MAP2: variants seen among roughly 807,000 people sequenced by gnomAD.
The protein encoded by MAP2 is microtubule-associated protein 2.
In MAP2, 14 loss-of-function variants were observed where a neutral mutation model predicts 137.6. The ratio of observed to expected loss-of-function variants is 0.10; its 90% CI spans 0.07 to 0.16. The LOEUF (loss-of-function observed/expected upper bound fraction) is 0.16. Ranked by LOEUF, MAP2 falls within the 10% of genes least tolerant of loss-of-function variation. The pLI is 1.00. For missense variants in MAP2, 2,088 were observed against 2,191.5 expected (o/e 0.95, Z 0.94); for synonymous variants, 786 against 782.3 (o/e 1.00, Z -0.08).
intron 4 of MAP2, among the ~76,000 whole-genome samples, chr2:209,646,311 A>T (rs1446718990): frequency 6.6e-6 from 1 of 152,250 alleles, no homozygotes; most frequent in Non-Finnish European, 1.5e-5. Flanking sequence ...AGGCAATCAC[A>T]TCACAAAAGA....
chr2:209,656,439 G>T (rs1056632562), intron 5 of MAP2, among the ~76,000 whole-genome samples: 1 of 151,974 alleles, frequency 6.6e-6, no homozygotes, highest in Admixed American at 6.6e-5. Flanking sequence ...AGCCCAGGGA[G>T]GTCAAGACTG....
intron 5 of MAP2, among the ~76,000 whole-genome samples, chr2:209,662,494 A>G (rs1259647310): frequency 6.6e-6 from 1 of 152,202 alleles, no homozygotes; most frequent in Non-Finnish European, 1.5e-5. Flanking sequence ...AAGTGCAAAT[A>G]TAATTTAATT....
Position 209,693,646 on chromosome 2 carries a change from T to C in MAP2, c.1476T>C (p.Asp492=). 2 of 1,613,874 alleles carry C rather than the reference T, an allele frequency of 1.2e-6. No homozygotes were observed. Among genetic ancestry groups the C allele is most frequent in the Admixed American group, 1.7e-5 (1 of 60,010 alleles). ...SEQKDQEPTT[D]MLKQDSFPVS... ...AGAAAGACCAAGAGCCTACCACAGA[T>C]ATGTTGAAACAGGACTCGTTCCCTG... The change falls in exon 8 of 16, where the codon GAT becomes GAC. Residue 492 remains aspartate, a synonymous_variant. Transcript: ENST00000682079.
At chr2:209,443,782 A>G (rs1698397775) in intron 1 of MAP2, among the ~76,000 whole-genome samples, 1 of 151,584 alleles carries the variant, frequency 6.6e-6, no homozygotes, top group South Asian at 2.1e-4. Flanking sequence ...TTTTCATAAA[A>G]CATGAAGACT....
intron 1 of MAP2, among the ~76,000 whole-genome samples, chr2:209,474,649 T>A (rs1050040732): frequency 6.6e-6 from 1 of 151,910 alleles, no homozygotes; most frequent in Non-Finnish European, 1.5e-5. Flanking sequence ...AAAAATTAAC[T>A]GTTCGTATAA....
At chr2:209,727,687 A>T (rs1231760667) in intron 14 of MAP2, among the ~76,000 whole-genome samples, 1 of 152,216 alleles carries the variant, frequency 6.6e-6, no homozygotes, top group Non-Finnish European at 1.5e-5. Context: ...GCACACACTG[A>T]AATATCTGTT....
chr2:209,649,650 G>A (rs1248825498), intron 4 of MAP2, among the ~76,000 whole-genome samples: 1 of 152,142 alleles, frequency 6.6e-6, no homozygotes, highest in Non-Finnish European at 1.5e-5. Flanking sequence ...TCAGAGCCAT[G>A]CTATTTTAGT....
intron 2 of MAP2, among the ~76,000 whole-genome samples, chr2:209,574,735 A>C (rs2075027372): frequency 6.6e-6 from 1 of 152,180 alleles, no homozygotes; most frequent in Admixed American, 6.5e-5. Flanking sequence ...TTTTTGACCA[A>C]AATATATTTT....
At chr2:209,680,701 C>G (rs1282809065) in intron 6 of MAP2, 49 bp from the exon 7 acceptor site, 2 of 1,498,090 alleles carry the variant, frequency 1.3e-6, no homozygotes, top group Admixed American at 3.3e-5. Context: ...ATCTACCAGC[C>G]TAAAAGGATT....
At chr2:209,519,379 A>C (rs2062957383) in intron 2 of MAP2, among the ~76,000 whole-genome samples, 1 of 152,056 alleles carries the variant, frequency 6.6e-6, no homozygotes. Flanking sequence ...TTCTCTGAGG[A>C]GAAACAAATT....
intron 2 of MAP2, among the ~76,000 whole-genome samples, chr2:209,540,573 G>T (rs2150736280): frequency 7.9e-6 from 1 of 126,762 alleles, no homozygotes; most frequent in East Asian, 2.7e-4. Flanking sequence ...GGAGGTTGCA[G>T]TGAGCTGAGA....
rs1416284406 is a variant in MAP2 at position 209,653,450 on chromosome 2, T to C, written c.262+18T>C. ...AACAGCAGGTAACTAAGGGCTCTAC[T>C]GTCACCAAGTGCTTGCTTTGTGCTT... is the stretch of plus-strand genomic sequence containing the variant. On this transcript the variant is annotated intron_variant, in intron 5 of 15. Transcript: ENST00000682079. 3.8e-6 allele frequency: 6 copies of C among 1,562,524 alleles called. No homozygotes were observed. The highest frequency in any genetic ancestry group is 5.2e-6 in the Non-Finnish European group (6 of 1,154,930).
intron 5 of MAP2, among the ~76,000 whole-genome samples, chr2:209,669,695 A>G (rs1279028667): frequency 6.6e-6 from 1 of 151,904 alleles, no homozygotes; most frequent in African/African-American, 2.4e-5. Context: ...CCTTGTGCCT[A>G]AGACCTGTGA....
At chr2:209,468,279 T>TAA (rs769556524) in intron 1 of MAP2, among the ~76,000 whole-genome samples, 8 of 149,144 alleles carry the variant, frequency 5.4e-5, no homozygotes, top group Non-Finnish European at 1.2e-4. Flanking sequence ...TTTAGAAAAC[T>TAA]AAAAAGTCTC....
At position 209,688,982 on chromosome 2, in the gene MAP2, T is replaced by A. The variant is rs140996468; in HGVS notation, c.455-3643T>A. 4.7e-3 allele frequency among the ~76,000 whole-genome samples: 711 copies of A among 152,284 alleles called. 7 individuals carry two copies. Among genetic ancestry groups the A allele is most frequent in the African/African-American group, 0.016 (648 of 41,566 alleles). On this transcript the variant is annotated intron_variant, in intron 7 of 15. Transcript: ENST00000682079. Reference sequence around the variant, plus strand: ...ACTAAGTTCTTCTAAACTAAATTTCTAAAATATGTGAGTTTTTAAATTAGG... The same window carrying A: ...ACTAAGTTCTTCTAAACTAAATTTCAAAAATATGTGAGTTTTTAAATTAGG...
intron 2 of MAP2, among the ~76,000 whole-genome samples, chr2:209,511,877 C>T (rs1416901024): frequency 6.6e-6 from 1 of 152,006 alleles, no homozygotes; most frequent in Non-Finnish European, 1.5e-5. Flanking sequence ...TGGTCAATTA[C>T]CTATGACTGA....
intron 4 of MAP2, among the ~76,000 whole-genome samples, chr2:209,638,267 A>G (rs2093726391): frequency 6.6e-6 from 1 of 152,150 alleles, no homozygotes. Flanking sequence ...CAAAGAGAGA[A>G]GTCAAACAGT....
At chr2:209,659,634 T>C (rs2042467128) in intron 5 of MAP2, among the ~76,000 whole-genome samples, 1 of 152,146 alleles carries the variant, frequency 6.6e-6, no homozygotes, top group Non-Finnish European at 1.5e-5. Flanking sequence ...GGGGAGGCAA[T>C]TTTGAGATGT....
At chr2:209,714,717 CCTT>C (rs1364769168) in intron 13 of MAP2, among the ~76,000 whole-genome samples, 1 of 152,174 alleles carries the variant, frequency 6.6e-6, no homozygotes, top group Non-Finnish European at 1.5e-5. Context: ...ATATCCATCT[CCTT>C]CTAATCCAAC....
Sources: gnomAD v4.1 joint callset for allele counts (sites outside exome capture counted in the v4.1 genomes callset) on GRCh38, gnomAD v4.1.1 for gene constraint, MANE v1.5 for transcripts, NCBI Gene and HGNC (gene_info 2026-07-23, HGNC 2026-07-21) for gene names.